EDIL3: variants seen among roughly 807,000 people sequenced by gnomAD.
The protein encoded by EDIL3 is EGF like and discoidin domains 3.
In EDIL3, 37 loss-of-function variants were observed where a neutral mutation model predicts 67.4. The ratio of observed to expected loss-of-function variants is 0.55; its 90% CI spans 0.42 to 0.72. The LOEUF (loss-of-function observed/expected upper bound fraction) is 0.72. Among genes scored for constraint, EDIL3 ranks in the 30% least tolerant of loss-of-function variants. EDIL3 has a pLI of 0.00. For synonymous variants in EDIL3, 195 were observed against 196.3 expected (o/e 0.99, Z 0.05); for missense variants, 527 against 586.3 (o/e 0.90, Z 1.04).
chr5:83,965,836 G>A (rs1744681935), intron 9 of EDIL3, among the ~76,000 whole-genome samples: 1 of 151,762 alleles, frequency 6.6e-6, no homozygotes. Context: ...TAAATAGTCA[G>A]CAATCTGTTT....
At chr5:84,263,390 G>A (rs908199387) in intron 1 of EDIL3, among the ~76,000 whole-genome samples, 4 of 152,170 alleles carry the variant, frequency 2.6e-5, no homozygotes, top group African/African-American at 9.7e-5. Context: ...GGAGTGGTAG[G>A]CATCAGTGCC....
At position 84,384,213 on chromosome 5, in the gene EDIL3, C is replaced by A. The variant is rs1748168989; in HGVS notation, c.67+95G>T. The A allele has an allele frequency of 6.1e-6, 9 of 1,465,258 alleles. No homozygotes were observed. The South Asian group carries it at 1.2e-4, about 20-fold the overall frequency. The allele number at this position is 1,465,258 out of a possible 1,614,324, so 90.8% of individuals were successfully genotyped here. On this transcript the variant is annotated intron_variant, in intron 1 of 10. Coordinates refer to ENST00000296591, the MANE Select transcript of EDIL3 (RefSeq NM_005711.5). ...CGCCAGCGGCGCTCGCCACCCTTGG[C>A]ACGCCGGAGGGACCGCCTCCGGCCC...
intron 6 of EDIL3, among the ~76,000 whole-genome samples, chr5:84,098,414 T>A (rs905851304): frequency 6.6e-6 from 1 of 152,064 alleles, no homozygotes; most frequent in Non-Finnish European, 1.5e-5. Context: ...CAATGAATGA[T>A]CAACACAGAA....
intron 2 of EDIL3, among the ~76,000 whole-genome samples, chr5:84,233,720 G>A (rs374846550): frequency 5.9e-5 from 9 of 152,068 alleles, no homozygotes; most frequent in Non-Finnish European, 1.2e-4. Flanking sequence ...GTATTTAGGT[G>A]GGGAGAGGCT....
At chr5:84,277,383 A>G (rs1745603012) in intron 1 of EDIL3, among the ~76,000 whole-genome samples, 1 of 152,182 alleles carries the variant, frequency 6.6e-6, no homozygotes, top group Non-Finnish European at 1.5e-5. Flanking sequence ...TCCAGCCTCC[A>G]GTACTGTGAA....
At chr5:84,207,849 G>A (rs560148375) in intron 3 of EDIL3, among the ~76,000 whole-genome samples, 315 of 151,698 alleles carry the variant, frequency 2.1e-3, no homozygotes, top group Non-Finnish European at 3.8e-3. Flanking sequence ...GCCATATGTA[G>A]AAAGCTGAAA....
In EDIL3 at chr5:84,213,823, C is replaced by T. The variant is rs150890713; in HGVS notation, c.226+16032G>A. Among the ~76,000 whole-genome samples, 201 of 152,178 alleles carry T rather than the reference C, an allele frequency of 1.3e-3. 1 individual carries two copies. Among genetic ancestry groups the T allele is most frequent in the African/African-American group, 4.1e-3 (171 of 41,528 alleles). On this transcript the variant is annotated intron_variant, in intron 3 of 10. Coordinates refer to ENST00000296591, the MANE Select transcript of EDIL3 (RefSeq NM_005711.5). ...TTAAAGGTTTAAAAAATTCTGTCCACGTAATCTTGAAAATAAATTACTTGA... is the reference window on the plus strand; with the variant it reads ...TTAAAGGTTTAAAAAATTCTGTCCATGTAATCTTGAAAATAAATTACTTGA...
At chr5:84,064,249 CAGACAA>C (rs1485146348) in intron 8 of EDIL3, among the ~76,000 whole-genome samples, 2 of 150,174 alleles carry the variant, frequency 1.3e-5, no homozygotes, top group African/African-American at 2.5e-5. Context: ...TTATGGTAGA[CAGACAA>C]AGATAAAGTT....
intron 2 of EDIL3, among the ~76,000 whole-genome samples, chr5:84,245,730 G>C (rs1744895682): frequency 6.6e-6 from 1 of 152,016 alleles, no homozygotes; most frequent in East Asian, 1.9e-4. Context: ...AATCTTTCCA[G>C]AGATTAATGC....
intron 4 of EDIL3, among the ~76,000 whole-genome samples, chr5:84,173,590 G>T (rs1419998265): frequency 6.6e-6 from 1 of 152,126 alleles, no homozygotes; most frequent in East Asian, 1.9e-4. Context: ...AGTCAATCAT[G>T]GGGTGGCTTC....
intron 9 of EDIL3, among the ~76,000 whole-genome samples, chr5:84,052,648 G>C (rs1434293102): frequency 1.3e-5 from 2 of 152,018 alleles, no homozygotes; most frequent in Non-Finnish European, 2.9e-5. Context: ...AAAAAGGCAG[G>C]GGTTGCAATC....
At chr5:84,177,614 A>G (rs761917438) in intron 4 of EDIL3, among the ~76,000 whole-genome samples, 4 of 152,188 alleles carry the variant, frequency 2.6e-5, no homozygotes, top group East Asian at 1.9e-4. Flanking sequence ...TTCATCAATT[A>G]TAACAAATGT....
chr5:84,334,356 G>T (rs973060033), intron 1 of EDIL3, among the ~76,000 whole-genome samples: 6 of 152,026 alleles, frequency 3.9e-5, no homozygotes. Flanking sequence ...GAGCCACCGC[G>T]CCTGGCCAGA....
rs1420962505 is a variant in EDIL3, at chr5:83,958,372, G to A, written c.1293+4833C>T. Among the ~76,000 whole-genome samples the A allele has an allele frequency of 9.9e-5, 15 of 151,504 alleles. 1 individual carries two copies. Among genetic ancestry groups the A allele is most frequent in the Admixed American group, 9.9e-4 (15 of 15,154 alleles). ...ATTATGGTAACTACTGAATTAGAGA[G>A]TTCACCAAGATATTGCAGTTTATTT... is the stretch of plus-strand genomic sequence containing the variant. On this transcript the variant is annotated intron_variant, in intron 10 of 10. Coordinates refer to ENST00000296591, the MANE Select transcript of EDIL3 (RefSeq NM_005711.5).
chr5:84,158,254 C>A (rs1442127997), intron 4 of EDIL3, among the ~76,000 whole-genome samples: 1 of 151,938 alleles, frequency 6.6e-6, no homozygotes, highest in Admixed American at 6.6e-5. Context: ...AAATGGGTAA[C>A]CTTAAGGGTC....
At chr5:84,336,831 T>C (rs1746996135) in intron 1 of EDIL3, among the ~76,000 whole-genome samples, 1 of 152,176 alleles carries the variant, frequency 6.6e-6, no homozygotes, top group South Asian at 2.1e-4. Flanking sequence ...ATATCTCCTC[T>C]GTTCTTCCTT....
At chr5:84,209,388 A>T (rs1390600928) in intron 3 of EDIL3, among the ~76,000 whole-genome samples, 1 of 152,142 alleles carries the variant, frequency 6.6e-6, no homozygotes, top group African/African-American at 2.4e-5. Flanking sequence ...TAAAAAAAAG[A>T]GTTCTACAAA....
chr5:84,260,290 A>G (rs1745203052), intron 1 of EDIL3, among the ~76,000 whole-genome samples: 1 of 152,200 alleles, frequency 6.6e-6, no homozygotes, highest in South Asian at 2.1e-4. Flanking sequence ...ATGAACTAGA[A>G]TCAGTGGTGT....
At chr5:84,119,558 A>G (rs1033275620) in intron 5 of EDIL3, among the ~76,000 whole-genome samples, 1 of 152,068 alleles carries the variant, frequency 6.6e-6, no homozygotes, top group African/African-American at 2.4e-5. Flanking sequence ...TACTAATTAA[A>G]TAATCTTAGT....
Sources: allele counts gnomAD v4.1 joint callset (sites outside exome capture counted in the v4.1 genomes callset), GRCh38; gene constraint gnomAD v4.1.1; transcripts MANE v1.5; gene names NCBI Gene and HGNC (gene_info 2026-07-23, HGNC 2026-07-21).